The following PCSK5 variants were observed in gnomAD, a reference collection of about 807,000 sequenced individuals.
PCSK5 encodes the protein prohormone convertase 5.
Under a neutral mutation model 233.2 loss-of-function variants are expected in PCSK5, and 129 were observed. That is an observed-to-expected ratio of 0.55 (90% CI 0.48 to 0.64). The LOEUF is 0.64. Ranked by LOEUF, PCSK5 falls within the 30% of genes least tolerant of loss-of-function variation. PCSK5 has a pLI of 0.00. For synonymous variants in PCSK5, 825 were observed against 879.2 expected (o/e 0.94, Z 1.09); for missense variants, 2,076 against 2,430.1 (o/e 0.85, Z 3.06).
At chr9:75,988,566 GC>G (rs529085978) in intron 3 of PCSK5, among the ~76,000 whole-genome samples, 4 of 152,100 alleles carry the variant, frequency 2.6e-5, no homozygotes, top group Non-Finnish European at 5.9e-5. Flanking sequence ...ACAGGTGCAT[GC>G]CACCGTGCTT....
At chr9:76,011,270 A>T (rs1343137764) in intron 3 of PCSK5, among the ~76,000 whole-genome samples, 1 of 152,224 alleles carries the variant, frequency 6.6e-6, no homozygotes, top group Non-Finnish European at 1.5e-5. Context: ...AATCAAATGC[A>T]TTATGGGATC....
At chr9:76,078,120 ATT>A (rs1310938063) in intron 7 of PCSK5, among the ~76,000 whole-genome samples, 1 of 152,068 alleles carries the variant, frequency 6.6e-6, no homozygotes, top group Non-Finnish European at 1.5e-5. Context: ...TCTTTTGCGC[ATT>A]TGTTAATGGG....
At chr9:75,906,905 C>T (rs909739129) in intron 1 of PCSK5, among the ~76,000 whole-genome samples, 1 of 152,190 alleles carries the variant, frequency 6.6e-6, no homozygotes, top group African/African-American at 2.4e-5. Flanking sequence ...TCAATGCTTT[C>T]CTGTTGCTCT....
chr9:76,145,098 C>T (rs374501402), intron 10 of PCSK5, among the ~76,000 whole-genome samples: 2 of 152,138 alleles, frequency 1.3e-5, no homozygotes, highest in East Asian at 3.8e-4. Flanking sequence ...GCACTCCAGT[C>T]TGAGCGACAG....
chr9:76,242,284 T>A (rs1485401123), intron 24 of PCSK5, among the ~76,000 whole-genome samples: 1 of 152,078 alleles, frequency 6.6e-6, no homozygotes, highest in African/African-American at 2.4e-5. Context: ...ATATTATATA[T>A]GAATTATAAT....
At chr9:76,159,416 G>A (rs1822747270) in intron 12 of PCSK5, among the ~76,000 whole-genome samples, 1 of 152,204 alleles carries the variant, frequency 6.6e-6, no homozygotes, top group African/African-American at 2.4e-5. Flanking sequence ...AAGGCCACTT[G>A]TTCTTGATCC....
At chr9:75,896,447 T>TG (rs1392029207) in intron 1 of PCSK5, among the ~76,000 whole-genome samples, 2 of 151,972 alleles carry the variant, frequency 1.3e-5, no homozygotes, top group African/African-American at 2.4e-5. Context: ...TTTTCAGCAA[T>TG]GTCTGACTCT....
At chr9:76,116,210 T>C (rs935970949) in intron 9 of PCSK5, among the ~76,000 whole-genome samples, 2 of 152,076 alleles carry the variant, frequency 1.3e-5, no homozygotes, top group Non-Finnish European at 2.9e-5. Context: ...ATCTGATGTG[T>C]TGAAAGCTCC....
intron 10 of PCSK5, among the ~76,000 whole-genome samples, chr9:76,154,587 G>T (rs75139661): frequency 6.6e-6 from 1 of 152,106 alleles, no homozygotes. Context: ...CATGCCAATC[G>T]AATCTTTCAT....
At chr9:76,273,051 T>A (rs1461009644) in intron 24 of PCSK5, among the ~76,000 whole-genome samples, 1 of 152,110 alleles carries the variant, frequency 6.6e-6, no homozygotes, top group Non-Finnish European at 1.5e-5. Context: ...TACAGTTCCC[T>A]CAAGGGGAAC....
At chr9:76,280,199 AC>A (rs1827823433) in intron 24 of PCSK5, among the ~76,000 whole-genome samples, 1 of 152,124 alleles carries the variant, frequency 6.6e-6, no homozygotes, top group South Asian at 2.1e-4. Flanking sequence ...GTTTTGGGGC[AC>A]CATGAACCCC....
At chr9:76,253,248 C>T in intron 24 of PCSK5, among the ~76,000 whole-genome samples, 1 of 144,200 alleles carries the variant, frequency 6.9e-6, no homozygotes, top group African/African-American at 2.5e-5. Context: ...TCTTCTTCTT[C>T]TTTTTTTTTT....
intron 21 of PCSK5, among the ~76,000 whole-genome samples, chr9:76,230,653 T>C (rs1045349697): frequency 6.6e-6 from 1 of 152,166 alleles, no homozygotes; most frequent in Non-Finnish European, 1.5e-5. Context: ...CCACTCCCCG[T>C]TGCTCATATT....
At chr9:76,228,568 G>C (rs1207480962) in intron 21 of PCSK5, among the ~76,000 whole-genome samples, 1 of 152,236 alleles carries the variant, frequency 6.6e-6, no homozygotes, top group Non-Finnish European at 1.5e-5. Flanking sequence ...TATGCAAATG[G>C]AATGAGCATC....
intron 4 of PCSK5, among the ~76,000 whole-genome samples, chr9:76,025,627 TAAAGAG>T (rs990113715): frequency 1.3e-5 from 2 of 152,158 alleles, no homozygotes; most frequent in Admixed American, 1.3e-4. Context: ...CCACCTAACA[TAAAGAG>T]AAAGAAACTT....
At chr9:76,311,020 G>A (rs1471051723) in intron 30 of PCSK5, among the ~76,000 whole-genome samples, 169 bp downstream of exon 30, 2 of 152,100 alleles carry the variant, frequency 1.3e-5, no homozygotes, top group African/African-American at 2.4e-5. Flanking sequence ...AAACTTACAT[G>A]AGGCCAGATG....
chr9:76,113,065 G>T (rs1339233), intron 9 of PCSK5, among the ~76,000 whole-genome samples: 83,296 of 151,928 alleles, frequency 0.55, 22,870 homozygotes, highest in East Asian at 0.69. Context: ...TACTTTTACC[G>T]TCCATATCCT....
chr9:76,180,120 T>C (rs1422251277), intron 15 of PCSK5, among the ~76,000 whole-genome samples: 1 of 148,436 alleles, frequency 6.7e-6, no homozygotes, highest in Non-Finnish European at 1.5e-5. Context: ...CACACACATA[T>C]ACATACGTAC....
At chr9:75,943,073 C>T (rs1252032554) in intron 2 of PCSK5, among the ~76,000 whole-genome samples, 11 of 151,738 alleles carry the variant, frequency 7.2e-5, no homozygotes, top group Admixed American at 2.0e-4. Context: ...TTAGTAGAGA[C>T]GGGGTTTCGC....
Sources: gnomAD v4.1 joint callset for allele counts (sites outside exome capture counted in the v4.1 genomes callset) on GRCh38, gnomAD v4.1.1 for gene constraint, MANE v1.5 for transcripts, NCBI Gene and HGNC (gene_info 2026-07-23, HGNC 2026-07-21) for gene names.